GIPC2: variants seen among roughly 807,000 people sequenced by gnomAD.
GIPC2 encodes the protein PDZ domain-containing protein GIPC2.
In GIPC2, 30 loss-of-function variants were observed where a neutral mutation model predicts 30.6. That is an observed-to-expected ratio of 0.98 (90% confidence interval 0.73 to 1.33). GIPC2 has a LOEUF of 1.33. Among genes scored for constraint, GIPC2 ranks in the 40% most tolerant of loss-of-function variants. GIPC2 has a pLI of 0.00. For synonymous variants in GIPC2, 167 were observed against 150.0 expected (o/e 1.11, Z -0.83); for missense variants, 414 against 390.3 (o/e 1.06, Z -0.51).
At chr1:78,118,633 C>T (rs1662617818) in intron 3 of GIPC2, among the ~76,000 whole-genome samples, 1 of 152,160 alleles carries the variant, frequency 6.6e-6, no homozygotes, top group African/African-American at 2.4e-5. Flanking sequence ...GCAGGGAATT[C>T]CTTCCTTGGA....
intron 5 of GIPC2, among the ~76,000 whole-genome samples, chr1:78,134,344 A>ATG (rs3057093): frequency 0.027 from 4,069 of 148,750 alleles, 109 homozygotes; most frequent in African/African-American, 0.073. Flanking sequence ...GTGTGTATGT[A>ATG]TGTGTGTGTG....
In GIPC2 at chr1:78,112,386, G is replaced by T. The variant is rs781674722; in HGVS notation, c.608-7007G>T. ...TTAGGCAACCTTGTTGACCTTCTCT[G>T]TGTCCATAGCATCCCATTCTTCCCT... is the stretch of plus-strand genomic sequence containing the variant. On this transcript the variant is annotated intron_variant, in intron 3 of 5. Coordinates refer to ENST00000370759, the MANE Select transcript of GIPC2 (RefSeq NM_017655.6). 2.1e-5 allele frequency: 11 copies of T among 517,942 alleles called. No individual in the cohort carries two copies. The Middle Eastern group carries it at 9.5e-4, about 45-fold the overall frequency. 32.1% of individuals were successfully genotyped at this position (517,942 alleles called of 1,614,324 possible).
intron 5 of GIPC2, among the ~76,000 whole-genome samples, chr1:78,126,723 C>G (rs752788117): frequency 6.6e-6 from 1 of 152,190 alleles, no homozygotes; most frequent in Non-Finnish European, 1.5e-5. Context: ...CAGCTTCAGT[C>G]TCTCCCTCAT....
At chr1:78,100,941 T>TACAC (rs71590709) in intron 3 of GIPC2, among the ~76,000 whole-genome samples, 4,220 of 114,846 alleles carry the variant, frequency 0.037, 100 homozygotes, top group South Asian at 0.071. Flanking sequence ...AAAAAAAAAA[T>TACAC]ACACACACAC....
intron 3 of GIPC2, among the ~76,000 whole-genome samples, chr1:78,111,475 C>T (rs1464551050): frequency 6.6e-6 from 1 of 152,192 alleles, no homozygotes; most frequent in Non-Finnish European, 1.5e-5. Context: ...AGGGAGAAAT[C>T]ATACTGTTTT....
At chr1:78,106,603 C>T (rs1203115562) in intron 3 of GIPC2, among the ~76,000 whole-genome samples, 1 of 152,202 alleles carries the variant, frequency 6.6e-6, no homozygotes, top group Non-Finnish European at 1.5e-5. Context: ...GATTACAACA[C>T]AACGTGCTGT....
intron 4 of GIPC2, among the ~76,000 whole-genome samples, chr1:78,123,428 G>A (rs1309416848): frequency 6.6e-6 from 1 of 152,036 alleles, no homozygotes; most frequent in Non-Finnish European, 1.5e-5. Context: ...TACTGGTTAG[G>A]TAGGGGTGAT....
intron 3 of GIPC2, among the ~76,000 whole-genome samples, chr1:78,113,250 T>G (rs1169240965): frequency 1.3e-5 from 2 of 152,198 alleles, no homozygotes; most frequent in Non-Finnish European, 2.9e-5. Flanking sequence ...ATGATGGCTG[T>G]TTAAAAATAT....
In GIPC2 at chr1:78,130,977, T is replaced by G. The variant is rs556464019; in HGVS notation, c.797-4615T>G. Among the ~76,000 whole-genome samples, 4 of 152,040 alleles carry G rather than the reference T, an allele frequency of 2.6e-5. No individual in the cohort carries two copies. In the East Asian group the frequency reaches 7.8e-4, roughly 30 times the overall value. On this transcript the variant is annotated intron_variant, in intron 5 of 5. Coordinates refer to ENST00000370759, the MANE Select transcript of GIPC2 (RefSeq NM_017655.6). ...TAGAGGTCAGCACTTAGCTGCTATATGTGGTAAAAAAAAATTCTCTTTACA... is the reference window on the plus strand; with the variant it reads ...TAGAGGTCAGCACTTAGCTGCTATAGGTGGTAAAAAAAAATTCTCTTTACA...
intron 1 of GIPC2, among the ~76,000 whole-genome samples, chr1:78,077,070 G>A (rs552003478): frequency 3.9e-5 from 6 of 152,140 alleles, no homozygotes; most frequent in East Asian, 3.9e-4. Context: ...GTGAGTCACT[G>A]CGCCCAGCCT....
At chr1:78,121,355 T>C (rs1662679984) in intron 4 of GIPC2, among the ~76,000 whole-genome samples, 1 of 152,040 alleles carries the variant, frequency 6.6e-6, no homozygotes, top group African/African-American at 2.4e-5. Flanking sequence ...CCTTCTAGGG[T>C]CTCTCTGTAT....
At chr1:78,058,678 A>T (rs951099157) in intron 1 of GIPC2, among the ~76,000 whole-genome samples, 3 of 152,214 alleles carry the variant, frequency 2.0e-5, no homozygotes, top group African/African-American at 7.2e-5. Context: ...TAAATTCATG[A>T]TACATATTAA....
intron 2 of GIPC2, among the ~76,000 whole-genome samples, chr1:78,087,830 C>A (rs747076538): frequency 5.9e-5 from 9 of 152,006 alleles, no homozygotes; most frequent in Non-Finnish European, 1.3e-4. Flanking sequence ...AGACAACCTA[C>A]AGAATAGGAG....
intron 3 of GIPC2, among the ~76,000 whole-genome samples, chr1:78,116,759 T>C (rs1662575671): frequency 6.6e-6 from 1 of 152,278 alleles, no homozygotes; most frequent in Non-Finnish European, 1.5e-5. Context: ...CTATCATTGA[T>C]GGACATTTGG....
chr1:78,078,279 C>A (rs556557130), intron 1 of GIPC2, among the ~76,000 whole-genome samples: 1 of 150,990 alleles, frequency 6.6e-6, no homozygotes, highest in South Asian at 2.1e-4. Flanking sequence ...AATTTCTAGA[C>A]CTTTATCATA....
intron 1 of GIPC2, among the ~76,000 whole-genome samples, chr1:78,064,741 CCT>C (rs1491470270): frequency 3.5e-5 from 4 of 115,842 alleles, no homozygotes; most frequent in African/African-American, 1.2e-4. Flanking sequence ...ACTCATGCAA[CCT>C]TTTTTTTTTT....
At chr1:78,047,490 T>C (rs916870975) in intron 1 of GIPC2, among the ~76,000 whole-genome samples, 4 of 152,134 alleles carry the variant, frequency 2.6e-5, no homozygotes, top group Non-Finnish European at 5.9e-5. Context: ...TGTATTGATA[T>C]AGGATACTAA....
chr1:78,051,988 A>G (rs1363377671), intron 1 of GIPC2, among the ~76,000 whole-genome samples: 5 of 152,022 alleles, frequency 3.3e-5, no homozygotes, highest in African/African-American at 4.8e-5. Flanking sequence ...TAAACCTTTC[A>G]TGGCTTCCCC....
At chr1:78,068,983 T>C (rs983780980) in intron 1 of GIPC2, 5 of 701,962 alleles carry the variant, frequency 7.1e-6, no homozygotes, top group Non-Finnish European at 8.8e-6. Flanking sequence ...GTCTTCTCCC[T>C]CTCTTTTCTA....
Sources: allele counts gnomAD v4.1 joint callset (sites outside exome capture counted in the v4.1 genomes callset), GRCh38; gene constraint gnomAD v4.1.1; transcripts MANE v1.5; gene names NCBI Gene and HGNC (gene_info 2026-07-23, HGNC 2026-07-21).